ARHGAP33: variants seen among roughly 807,000 people sequenced by gnomAD.
The protein encoded by ARHGAP33 is Rho GTPase activating protein 33, also known as rho GTPase-activating protein 33.
In ARHGAP33, 57 loss-of-function variants were observed where a neutral mutation model predicts 126.2. The ratio of observed to expected loss-of-function variants is 0.45; its 90% CI spans 0.36 to 0.56. ARHGAP33 has a LOEUF of 0.56. ARHGAP33 is among the 20% of genes least tolerant of loss of function. The pLI is 0.00. For missense variants in ARHGAP33, 1,500 were observed against 1,748.3 expected (o/e 0.86, Z 2.53); for synonymous variants, 711 against 755.0 (o/e 0.94, Z 0.95).
Position 35,786,499 on chromosome 19 carries a change from A to G in ARHGAP33, c.2029A>G (p.Ser677Gly). 1 of 1,535,774 alleles carries G rather than the reference A, an allele frequency of 6.5e-7. No homozygotes were observed. Among genetic ancestry groups the G allele is most frequent in the Non-Finnish European group, 8.7e-7 (1 of 1,146,764 alleles). The change falls in exon 20 of 21, where the codon AGC becomes GGC. Residue 677 changes from serine to glycine, a missense_variant. Physicochemically the swap from Ser to Gly is moderately conservative, Grantham distance 56. Transcript: ENST00000007510. The surrounding 1 kb of genome is among the most constrained non-coding windows in gnomAD (Gnocchi z 7.0). ...VGPAPAGSCE[S>G]LSSSSSSESS... ...CCCAGCACCTGCTGGCTCCTGCGAG[A>G]GCCTGTCCTCGTCCTCCTCCTCCGA...
At chr19:35,781,107 C>T (rs1248719204) in intron 11 of ARHGAP33, 35 bp downstream of exon 11, 1 of 1,584,804 alleles carries the variant, frequency 6.3e-7, no homozygotes, top group South Asian at 1.1e-5. Flanking sequence ...ACCCGTCACA[C>T]CAGGGCTGCG....
chr19:35,784,308 G>T lies in ARHGAP33; in HGVS notation c.1558G>T (p.Asp520Tyr), dbSNP rs955369156. ...FSDTFTSAGL[D>Y]PAGRCLLPRP... is the part of the protein sequence containing the mutation. ...CGACACCTTCACCTCCGCCGGCCTCGACCCTGCAGGTATGCCCTCCCACCC... is the reference window on the plus strand; with the variant it reads ...CGACACCTTCACCTCCGCCGGCCTCTACCCTGCAGGTATGCCCTCCCACCC... Residue 520 changes from aspartate to tyrosine, a missense_variant, in exon 16 of 21, where the codon GAC becomes TAC. Physicochemically the swap from Asp to Tyr is radical, Grantham distance 160. This residue lies in a region of ARHGAP33 where 300 missense variants were observed against 291.1 expected (regional missense o/e 1.03). Coordinates refer to ENST00000007510, the MANE Select transcript of ARHGAP33 (RefSeq NM_001366178.1). 1.3e-6 allele frequency: 2 copies of T among 1,578,090 alleles called. No individual in the cohort carries two copies. The highest frequency in any genetic ancestry group is 1.2e-5 in the South Asian group (1 of 85,132).
rs757843032 is a variant in ARHGAP33 at position 35,782,832 on chromosome 19, C to G, written c.1384C>G (p.Arg462Gly). The change falls in exon 15 of 21, where the codon CGC (arginine) becomes GGC (glycine). Residue 462 changes from arginine (R) to glycine (G), a missense_variant. Physicochemically the swap from Arg to Gly is moderately radical, Grantham distance 125. Transcript: ENST00000007510. The surrounding 1 kb of genome is among the most constrained non-coding windows in gnomAD (Gnocchi z 4.1). ...RHSANTSMHA[R>G]NLAIVWAPNL... Reference sequence around the variant, plus strand: ...CAGTGCCAACACCAGCATGCATGCCCGCAACCTGGCCATTGTCTGGGCACC... The same window carrying G: ...CAGTGCCAACACCAGCATGCATGCCGGCAACCTGGCCATTGTCTGGGCACC... The G allele has an allele frequency of 6.8e-6, 11 of 1,613,718 alleles. No individual in the cohort carries two copies. The highest frequency in any genetic ancestry group is 9.3e-6 in the Non-Finnish European group (11 of 1,179,814).
rs1192125211 is a variant in ARHGAP33, at chr19:35,782,966, G to A, written c.1421+97G>A. Reference sequence around the variant, plus strand: ...TCTTTTGTTTATTCATCGAATACGTGTCTATCAAATACCTCCCATGGACCT... The same window carrying A: ...TCTTTTGTTTATTCATCGAATACGTATCTATCAAATACCTCCCATGGACCT... On this transcript the variant is annotated intron_variant, in intron 15 of 20. Coordinates refer to ENST00000007510, the MANE Select transcript of ARHGAP33 (RefSeq NM_001366178.1). This position sits in a 1 kb window ranked among gnomAD's most constrained non-coding sequence, Gnocchi z 4.1. The A allele has an allele frequency of 1.9e-5, 21 of 1,086,212 alleles. No individual in the cohort carries two copies. The highest frequency in any genetic ancestry group is 2.0e-4 in the Middle Eastern group (1 of 4,982). 67.3% of individuals were successfully genotyped at this position (1,086,212 alleles called of 1,614,324 possible). A position where few individuals can be genotyped will look rare whatever the true frequency, so the allele number is the denominator to read the frequency against.
In ARHGAP33 at chr19:35,782,877, G is replaced by A. The variant is rs1187483306; in HGVS notation, c.1421+8G>A. ...GGCACCCAACCTGCTACGGTGAGCT[G>A]CTTGCTCGCCTGCCTGCCCCTCAGG... On this transcript the variant is annotated splice_region_variant and intron_variant, in intron 15 of 20. Coordinates refer to ENST00000007510, the MANE Select transcript of ARHGAP33 (RefSeq NM_001366178.1). The surrounding 1 kb of genome is among the most constrained non-coding windows in gnomAD (Gnocchi z 4.1). The A allele has an allele frequency of 1.2e-6, 2 of 1,601,664 alleles. No homozygotes were observed. The highest frequency in any genetic ancestry group is 4.5e-5 in the East Asian group (2 of 44,178).
chr19:35,786,910 G>C lies in ARHGAP33; in HGVS notation c.2440G>C (p.Gly814Arg). Residue 814 changes from glycine to arginine, a missense_variant, in exon 20 of 21, where the codon GGG becomes CGG. Transcript: ENST00000007510. This position sits in a 1 kb window ranked among gnomAD's most constrained non-coding sequence, Gnocchi z 7.0. ...CGCTGTCCTAGAACTGCTGGGGGCT[G>C]GGGGAGCACCTGCCTCAGCCACCCC... ...PPAVLELLGA[G>R]GAPASATPTP... 2 of 1,609,516 alleles carry C rather than the reference G, an allele frequency of 1.2e-6. No individual in the cohort carries two copies. Among genetic ancestry groups the C allele is most frequent in the Non-Finnish European group, 1.7e-6 (2 of 1,179,280 alleles).
At position 35,786,713 on chromosome 19, in the gene ARHGAP33, G is replaced by C. The variant is rs1258556244; in HGVS notation, c.2243G>C (p.Ser748Thr). ...LDFDPLTFRC[S>T]SPTPGDPAPP... ...TTTGATCCCTTAACCTTCCGCTGCA[G>C]CAGCCCCACCCCAGGGGATCCCGCA... The change falls in exon 20 of 21, where the codon AGC becomes ACC. Residue 748 changes from serine (S) to threonine (T), a missense_variant. Transcript: ENST00000007510. The surrounding 1 kb of genome is among the most constrained non-coding windows in gnomAD (Gnocchi z 7.0). The C allele has an allele frequency of 6.5e-7, 1 of 1,534,364 alleles. No individual in the cohort carries two copies. The highest frequency in any genetic ancestry group is 2.0e-5 in the Admixed American group (1 of 50,934).
intron 1 of ARHGAP33, 27 bp downstream of exon 1, chr19:35,775,691 T>G: frequency 6.5e-7 from 1 of 1,536,392 alleles, no homozygotes; most frequent in South Asian, 1.2e-5. Flanking sequence ...GCCGTCAGCC[T>G]GTCCGTCCGG....
chr19:35,787,526 G>T lies in ARHGAP33; in HGVS notation c.2961G>T (p.Gly987=). The T allele has an allele frequency of 2.5e-6, 4 of 1,612,058 alleles. No homozygotes were observed. Among genetic ancestry groups the T allele is most frequent in the Non-Finnish European group, 2.5e-6 (3 of 1,179,588 alleles). The change falls in exon 21 of 21, where the codon GGG becomes GGT. Residue 987 remains glycine, a synonymous_variant. Transcript: ENST00000007510. ...GSLLRSQRPM[G]TSRRGLRGPA... is the part of the protein sequence containing the mutation. ...TGCTGAGGAGCCAGCGGCCCATGGG[G>T]ACCTCAAGGAGGGGACTCCGAGGCC...
rs1305987352 is a variant in ARHGAP33, at chr19:35,785,136, C to T, written c.1721+30C>T. ...GTGGGATGCTGGGGGTGGCGAGGGG[C>T]AGGTGGAGGCCTGGTTCCTCAGACG... On this transcript the variant is annotated intron_variant, in intron 17 of 20. Coordinates refer to ENST00000007510, the MANE Select transcript of ARHGAP33 (RefSeq NM_001366178.1). 5 of 1,587,908 alleles carry T rather than the reference C, an allele frequency of 3.1e-6. No homozygotes were observed. In the South Asian group the frequency reaches 5.6e-5, roughly 18 times the overall value.
Position 35,786,441 on chromosome 19 carries a change from A to T in ARHGAP33, c.1971A>T (p.Arg657=). 1 of 1,534,102 alleles carries T rather than the reference A, an allele frequency of 6.5e-7. No individual in the cohort carries two copies. Among genetic ancestry groups the T allele is most frequent in the Non-Finnish European group, 8.7e-7 (1 of 1,146,094 alleles). The change falls in exon 20 of 21, where the codon CGA becomes CGT. Residue 657 remains arginine, a synonymous_variant. Transcript: ENST00000007510. The surrounding 1 kb of genome is among the most constrained non-coding windows in gnomAD (Gnocchi z 7.0). ...TCCAGAGGCTGCACAGGCTGCGGCG[A>T]CCCCACTCCAGCAGCGACGCTTTCC... The part of the protein sequence containing the change: ...AGLQRLHRLR[R]PHSSSDAFPV...
At chr19:35,785,944 G>A (rs1327142439) in intron 19 of ARHGAP33, 47 of 1,064,152 alleles carry the variant, frequency 4.4e-5, no homozygotes, top group East Asian at 7.9e-5. Flanking sequence ...TTTAAAGGGC[G>A]TTGTAAGAAA....
intron 1 of ARHGAP33, among the ~76,000 whole-genome samples, chr19:35,777,320 G>A (rs1194176096): frequency 6.6e-6 from 1 of 152,174 alleles, no homozygotes; most frequent in Non-Finnish European, 1.5e-5. Flanking sequence ...AGTTGTGATT[G>A]TCTAGACAGT....
rs200661379 is a variant in ARHGAP33 at position 35,780,812 on chromosome 19, C to T, written c.825C>T (p.Thr275=). The change falls in exon 10 of 21, where the codon ACC becomes ACT. Residue 275 remains threonine (T), a synonymous_variant. Coordinates refer to ENST00000007510, the MANE Select transcript of ARHGAP33 (RefSeq NM_001366178.1). ...IPAPQGISSL[T]SAVPRPRGKL... ...CTCCCCAGGGTATCTCGTCTCTGAC[C>T]TCAGGTAATAGAAATAGGCGGTCAG... 1 of 1,613,920 alleles carries T rather than the reference C, an allele frequency of 6.2e-7. No individual in the cohort carries two copies. The highest frequency in any genetic ancestry group is 1.3e-5 in the African/African-American group (1 of 74,904).
intron 3 of ARHGAP33, 113 bp downstream of exon 3, chr19:35,778,021 C>G: frequency 7.9e-7 from 1 of 1,265,450 alleles, no homozygotes; most frequent in Non-Finnish European, 1.1e-6. Flanking sequence ...CTGCTGCACG[C>G]GTCTGAGCAG....
rs928805163 is a variant in ARHGAP33 at position 35,784,777 on chromosome 19, G to A, written c.1568-176G>A. 2.8e-5 allele frequency: 32 copies of A among 1,130,374 alleles called. No homozygotes were observed. The East Asian group carries it at 1.4e-3, about 50-fold the overall frequency. The allele number at this position is 1,130,374 out of a possible 1,614,324, so 70.0% of individuals were successfully genotyped here. A position where few individuals can be genotyped will look rare whatever the true frequency, so the allele number is the denominator to read the frequency against. Reference sequence around the variant, plus strand: ...CCTCCTCATCAGCTCGTCCCGCCCCGCCCTCCTCCCACCTGCCTGCTGCCC... The same window carrying A: ...CCTCCTCATCAGCTCGTCCCGCCCCACCCTCCTCCCACCTGCCTGCTGCCC... On this transcript the variant is annotated intron_variant, in intron 16 of 20. Transcript: ENST00000007510.
chr19:35,785,738 A>C, intron 19 of ARHGAP33: 1 of 1,337,648 alleles, frequency 7.5e-7, no homozygotes, highest in Non-Finnish European at 9.6e-7. Context: ...GAACATTTTA[A>C]AATAATATCA....
At position 35,787,258 on chromosome 19, in the gene ARHGAP33, G is replaced by T; in HGVS notation, c.2693G>T (p.Arg898Leu). The T allele has an allele frequency of 3.1e-6, 5 of 1,597,662 alleles. No individual in the cohort carries two copies. The highest frequency in any genetic ancestry group is 4.3e-6 in the Non-Finnish European group (5 of 1,166,918). Residue 898 changes from arginine to leucine, a missense_variant, in exon 21 of 21, where the codon CGC becomes CTC. This residue lies in a region of ARHGAP33 where 642 missense variants were observed against 634.0 expected (regional missense o/e 1.01). Transcript: ENST00000007510. ...CCCCCGCCCCCTAAGAACCCAGCACGCCTCATGGCCCTGGCCCTGGCTGAG... is the reference window on the plus strand; with the variant it reads ...CCCCCGCCCCCTAAGAACCCAGCACTCCTCATGGCCCTGGCCCTGGCTGAG... ...APPPPPKNPA[R>L]LMALALAERA... is the part of the protein sequence containing the mutation.
In ARHGAP33 at chr19:35,780,235, C is replaced by T. The variant is rs771582352; in HGVS notation, c.526C>T (p.Leu176Phe). The T allele has an allele frequency of 2.5e-6, 4 of 1,613,900 alleles. No homozygotes were observed. In the African/African-American group the frequency reaches 5.3e-5, roughly 22 times the overall value. The change falls in exon 7 of 21, where the codon CTC (leucine) becomes TTC (phenylalanine). Residue 176 changes from leucine to phenylalanine, a missense_variant. Physicochemically the swap from Leu to Phe is conservative, Grantham distance 22. Coordinates refer to ENST00000007510, the MANE Select transcript of ARHGAP33 (RefSeq NM_001366178.1). ...MELDNHGRRL[L>F]LSEEASLNIP... ...GCTGGACAATCACGGCCGGCGACTG[C>T]TCCTCAGTGAGGAGGCGTCACTCAA... is the stretch of plus-strand genomic sequence containing the variant.
Sources: allele counts gnomAD v4.1 joint callset (sites outside exome capture counted in the v4.1 genomes callset), GRCh38; gene constraint gnomAD v4.1.1; regional missense constraint gnomAD v4.1.1; non-coding constraint Gnocchi (gnomAD v3.1); transcripts MANE v1.5; gene names NCBI Gene and HGNC (gene_info 2026-07-23, HGNC 2026-07-21).